The following TRABD2B variants were observed in gnomAD, a reference collection of about 807,000 sequenced individuals.
The protein encoded by TRABD2B is metalloprotease TIKI2.
TRABD2B carries 14 observed loss-of-function variants against 40.1 expected under a neutral mutation model. That is an observed-to-expected ratio of 0.35 (90% CI 0.23 to 0.55). The LOEUF (loss-of-function observed/expected upper bound fraction) is 0.55, where lower values mean the gene tolerates loss of function less well. TRABD2B is among the 20% of genes least tolerant of loss of function. TRABD2B has a pLI of 0.90. For synonymous variants in TRABD2B, 263 were observed against 277.0 expected (o/e 0.95, Z 0.50); for missense variants, 541 against 648.6 (o/e 0.83, Z 1.80).
intron 4 of TRABD2B, among the ~76,000 whole-genome samples, chr1:47,789,049 G>A (rs1337854820): frequency 6.6e-6 from 1 of 152,146 alleles, no homozygotes; most frequent in Non-Finnish European, 1.5e-5. Flanking sequence ...ATTGGGCCTG[G>A]AGATACCTTG....
intron 2 of TRABD2B, among the ~76,000 whole-genome samples, chr1:47,814,823 T>A (rs923615434): frequency 6.6e-6 from 1 of 152,206 alleles, no homozygotes; most frequent in Non-Finnish European, 1.5e-5. Context: ...GAACTTGGCC[T>A]CACAGACAAA....
intron 4 of TRABD2B, among the ~76,000 whole-genome samples, chr1:47,792,782 C>T (rs1644692668): frequency 6.6e-6 from 1 of 152,112 alleles, no homozygotes; most frequent in Non-Finnish European, 1.5e-5. Context: ...GGCAGGACTA[C>T]TCAGGTGGGG....
At chr1:47,818,443 T>C (rs371782817) in intron 2 of TRABD2B, 1 of 152,256 alleles carries the variant, frequency 6.6e-6, no homozygotes, top group Non-Finnish European at 1.5e-5. Flanking sequence ...GTTTGTCCAA[T>C]GCTCTTGGGG....
intron 2 of TRABD2B, among the ~76,000 whole-genome samples, chr1:47,873,282 T>G (rs2124598412): frequency 6.6e-6 from 1 of 152,292 alleles, no homozygotes; most frequent in South Asian, 2.1e-4. Flanking sequence ...CCTCCCATGC[T>G]TAGAGCCCAG....
chr1:47,901,796 G>T (rs1644603815), intron 2 of TRABD2B, among the ~76,000 whole-genome samples: 1 of 152,168 alleles, frequency 6.6e-6, no homozygotes, highest in Non-Finnish European at 1.5e-5. Flanking sequence ...AGGGAGACAG[G>T]CACGTTGGCA....
At chr1:47,954,485 G>A (rs916227738) in intron 2 of TRABD2B, among the ~76,000 whole-genome samples, 4 of 152,188 alleles carry the variant, frequency 2.6e-5, no homozygotes, top group Non-Finnish European at 5.9e-5. Flanking sequence ...GACTGCAATA[G>A]AATCTGACAG....
intron 2 of TRABD2B, among the ~76,000 whole-genome samples, chr1:47,914,396 G>A (rs1644801890): frequency 6.6e-6 from 1 of 152,252 alleles, no homozygotes; most frequent in Non-Finnish European, 1.5e-5. Context: ...CCGTCCTGGT[G>A]ACCTGGACAG....
intron 2 of TRABD2B, among the ~76,000 whole-genome samples, chr1:47,989,367 C>T (rs1441119805): frequency 6.6e-6 from 1 of 152,212 alleles, no homozygotes; most frequent in Non-Finnish European, 1.5e-5. Flanking sequence ...GGAACGGAAT[C>T]AGGGATGGTC....
intron 2 of TRABD2B, among the ~76,000 whole-genome samples, chr1:47,866,871 A>G (rs1423828138): frequency 1.3e-5 from 2 of 152,322 alleles, no homozygotes; most frequent in Non-Finnish European, 2.9e-5. Context: ...CCCAAGGTCT[A>G]GAAATGAGCT....
chr1:47,943,792 ACACACACAG>A (rs1645221020), intron 2 of TRABD2B, among the ~76,000 whole-genome samples: 1 of 151,316 alleles, frequency 6.6e-6, no homozygotes, highest in African/African-American at 2.4e-5. Flanking sequence ...ACACACACAC[ACACACACAG>A]AACACAATGG....
chr1:47,884,992 G>C (rs1003864870), intron 2 of TRABD2B, among the ~76,000 whole-genome samples: 2 of 151,970 alleles, frequency 1.3e-5, no homozygotes, highest in East Asian at 3.9e-4. Flanking sequence ...TTCAAAACCT[G>C]AACATAGCAC....
intron 2 of TRABD2B, among the ~76,000 whole-genome samples, chr1:47,984,970 G>A (rs1447359560): frequency 6.6e-6 from 1 of 152,348 alleles, no homozygotes; most frequent in South Asian, 2.1e-4. Flanking sequence ...AACATTTCTT[G>A]AAAAGTTGTA....
chr1:47,918,723 C>T (rs1280369057), intron 2 of TRABD2B, among the ~76,000 whole-genome samples: 1 of 152,214 alleles, frequency 6.6e-6, no homozygotes, highest in Non-Finnish European at 1.5e-5. Flanking sequence ...TCTTCCTGCC[C>T]AGCCAGACTC....
chr1:47,984,641 C>A (rs925789241), intron 2 of TRABD2B, among the ~76,000 whole-genome samples: 1 of 152,192 alleles, frequency 6.6e-6, no homozygotes, highest in Admixed American at 6.5e-5. Context: ...ACTCGCGCCC[C>A]GTCCTCTAGC....
intron 2 of TRABD2B, among the ~76,000 whole-genome samples, chr1:47,863,634 A>G (rs1383817092): frequency 6.6e-6 from 1 of 151,984 alleles, no homozygotes; most frequent in Non-Finnish European, 1.5e-5. Context: ...TGCAACAGGA[A>G]CTCTCATACA....
At chr1:47,843,095 G>A (rs971421181) in intron 2 of TRABD2B, among the ~76,000 whole-genome samples, 28 of 152,134 alleles carry the variant, frequency 1.8e-4, no homozygotes, top group African/African-American at 6.8e-4. Flanking sequence ...GGAGGGAGGT[G>A]TGAGATGAGG....
At chr1:47,957,200 T>C (rs984576032) in intron 2 of TRABD2B, among the ~76,000 whole-genome samples, 4 of 152,146 alleles carry the variant, frequency 2.6e-5, no homozygotes, top group Non-Finnish European at 5.9e-5. Flanking sequence ...CAAAACTCCA[T>C]CTGTATGTCA....
At chr1:47,975,083 C>T (rs542557350) in intron 2 of TRABD2B, among the ~76,000 whole-genome samples, 1 of 152,130 alleles carries the variant, frequency 6.6e-6, no homozygotes, top group Admixed American at 6.5e-5. Context: ...GATACAGTAC[C>T]CTGGATAAGA....
intron 3 of TRABD2B, among the ~76,000 whole-genome samples, chr1:47,799,074 A>G (rs1415189751): frequency 6.6e-6 from 1 of 152,222 alleles, no homozygotes; most frequent in Non-Finnish European, 1.5e-5. Context: ...AGGCAGTTCC[A>G]CTTGCCAAAG....
Sources: allele counts gnomAD v4.1 joint callset (sites outside exome capture counted in the v4.1 genomes callset), GRCh38; gene constraint gnomAD v4.1.1; transcripts MANE v1.5; gene names NCBI Gene and HGNC (gene_info 2026-07-23, HGNC 2026-07-21).